Variants in PRPF4 observed in about 807,000 individuals in gnomAD.
PRPF4 encodes pre-mRNA splicing tri-snRNP complex factor PRPF4, also known as U4/U6 small nuclear ribonucleoprotein Prp4.
A neutral mutation model predicts 72.2 loss-of-function variants in PRPF4; 14 were observed. The ratio of observed to expected loss-of-function variants is 0.19; its 90% CI spans 0.13 to 0.30. The LOEUF (loss-of-function observed/expected upper bound fraction) is 0.30. PRPF4 is among the 10% of genes least tolerant of loss of function. The pLI is 1.00. For missense variants in PRPF4, 478 were observed against 653.9 expected (o/e 0.73, Z 2.93); for synonymous variants, 225 against 232.2 (o/e 0.97, Z 0.28).
At chr9:113,279,457 G>A (rs1162666045) in intron 3 of PRPF4, among the ~76,000 whole-genome samples, 5 of 152,148 alleles carry the variant, frequency 3.3e-5, no homozygotes, top group East Asian at 1.9e-4. Context: ...TCCGCCTCCC[G>A]GGTTCAAGCG....
chr9:113,286,708 A>C lies in PRPF4; in HGVS notation c.812A>C (p.His271Pro). Residue 271 changes from histidine to proline, a missense_variant, in exon 9 of 14, where the codon CAT (histidine) becomes CCT (proline). By Grantham distance (77) the His-to-Pro change is moderately conservative. Coordinates refer to ENST00000374198, the MANE Select transcript of PRPF4 (RefSeq NM_001244926.2). ...TGCATCTCTTACACTCCTTTAGGGC[A>C]TAACACAAATGTAGGAGCAATTGTA... ...DCNLLHTLRGHNTNVGAIVFH... is the reference protein window; with the variant it reads ...DCNLLHTLRGPNTNVGAIVFH... The C allele has an allele frequency of 6.2e-7, 1 of 1,614,198 alleles. No individual in the cohort carries two copies. Among genetic ancestry groups the C allele is most frequent in the Non-Finnish European group, 8.5e-7 (1 of 1,180,018 alleles).
intron 3 of PRPF4, among the ~76,000 whole-genome samples, chr9:113,281,566 C>A (rs1202988882): frequency 6.6e-6 from 1 of 152,194 alleles, no homozygotes; most frequent in African/African-American, 2.4e-5. Context: ...ATTAGCAATT[C>A]TTTGTGACCT....
intron 4 of PRPF4, 68 bp downstream of exon 4, chr9:113,282,801 G>GT: frequency 7.7e-7 from 1 of 1,305,948 alleles, no homozygotes; most frequent in Non-Finnish European, 1.1e-6. Context: ...CTCGTTTTCT[G>GT]CTTTCAATGG....
chr9:113,277,740 C>T (rs1832154600), intron 2 of PRPF4, among the ~76,000 whole-genome samples: 1 of 152,068 alleles, frequency 6.6e-6, no homozygotes, highest in South Asian at 2.1e-4. Context: ...TGGCTCACAC[C>T]TGTAATCCCA....
chr9:113,286,661 A>C (rs761374642), intron 8 of PRPF4, 44 bp from the exon 9 acceptor site: 1 of 1,612,866 alleles, frequency 6.2e-7, no homozygotes, highest in East Asian at 2.2e-5. Context: ...ATGGGTTATA[A>C]AGAGGCAGGA....
At chr9:113,286,657 T>C in intron 8 of PRPF4, 48 bp from the exon 9 acceptor site, 1 of 1,612,262 alleles carries the variant, frequency 6.2e-7, no homozygotes, top group Non-Finnish European at 8.5e-7. Context: ...TAACATGGGT[T>C]ATAAAGAGGC....
In PRPF4 at chr9:113,288,187, G is replaced by A; in HGVS notation, c.945G>A (p.Val315=). 6.2e-7 allele frequency: 1 copy of A among 1,614,176 alleles called. No individual in the cohort carries two copies. The highest frequency in any genetic ancestry group is 1.1e-5 in the South Asian group (1 of 91,070). ...GGTTCCTTTCCAGTGATGAACCAGT[G>A]GCAGATATTGAAGGCCATACAGTGC... The part of the protein sequence containing the change: ...KLWSLDSDEP[V]ADIEGHTVRV... Residue 315 remains valine, a synonymous_variant, in exon 10 of 14, where the codon GTG becomes GTA. Coordinates refer to ENST00000374198, the MANE Select transcript of PRPF4 (RefSeq NM_001244926.2).
rs1011746683 is a variant in PRPF4, at chr9:113,284,377, C to G, written c.737C>G (p.Ala246Gly). The G allele has an allele frequency of 5.0e-6, 8 of 1,610,144 alleles. No homozygotes were observed. Among genetic ancestry groups the G allele is most frequent in the African/African-American group, 1.3e-5 (1 of 74,820 alleles). Residue 246 changes from alanine to glycine, a missense_variant, in exon 7 of 14, where the codon GCC (alanine) becomes GGC (glycine). Transcript: ENST00000374198. ...TTTAGTCCCAATTCCAAGATGCTGG[C>G]CACAGCTTGTTGGTAAGTTCCATTT... ...CHFSPNSKMLATACWSGLCKL... is the reference protein window; with the variant it reads ...CHFSPNSKMLGTACWSGLCKL...
intron 3 of PRPF4, among the ~76,000 whole-genome samples, chr9:113,280,938 A>G (rs537923799): frequency 1.3e-5 from 2 of 151,962 alleles, no homozygotes; most frequent in South Asian, 4.2e-4. Flanking sequence ...CCTCCCAGGT[A>G]CAAGCCATTC....
In PRPF4 at chr9:113,290,363, C is replaced by G. The variant is rs1238821619; in HGVS notation, c.1023-103C>G. The G allele has an allele frequency of 2.0e-6, 3 of 1,502,278 alleles. No homozygotes were observed. The African/African-American group carries it at 4.1e-5, about 21-fold the overall frequency. 93.1% of individuals were successfully genotyped at this position (1,502,278 alleles called of 1,614,324 possible). On this transcript the variant is annotated intron_variant, in intron 10 of 13. Coordinates refer to ENST00000374198, the MANE Select transcript of PRPF4 (RefSeq NM_001244926.2). ...GTTAATATGGTTATATGAATAGTTT[C>G]AGAAGCATTAATAACTTAAGCTATA...
chr9:113,279,461 T>C (rs1237865752), intron 3 of PRPF4, among the ~76,000 whole-genome samples: 2 of 152,174 alleles, frequency 1.3e-5, no homozygotes, highest in Non-Finnish European at 2.9e-5. Context: ...CCTCCCGGGT[T>C]CAAGCGATTT....
chr9:113,279,152 CT>C lies in PRPF4; in HGVS notation c.392+28del, dbSNP rs769731157. On this transcript the variant is annotated intron_variant, in intron 3 of 13. Transcript: ENST00000374198. ...GAAAGGTTGCCTTTCTAAATATTTACTTTTTTTCTTTATTATAATCACAGGG... is the reference window on the plus strand; with the variant it reads ...GAAAGGTTGCCTTTCTAAATATTTACTTTTTTCTTTATTATAATCACAGGG... The C allele has an allele frequency of 1.2e-5, 19 of 1,585,558 alleles. No individual in the cohort carries two copies. In the African/African-American group the frequency reaches 1.5e-4, roughly 13 times the overall value.
Position 113,286,381 on chromosome 9 carries a change from C to G in PRPF4, c.808+91C>G, listed in dbSNP as rs1328294962. On this transcript the variant is annotated intron_variant, in intron 8 of 13. Coordinates refer to ENST00000374198, the MANE Select transcript of PRPF4 (RefSeq NM_001244926.2). ...CTGCTTGACACTCAGACCCCATACA[C>G]ACAGCATTAATCCTTGATTTGATTT... The G allele has an allele frequency of 2.5e-6, 3 of 1,199,468 alleles. No individual in the cohort carries two copies. In the African/African-American group the frequency reaches 4.5e-5, roughly 18 times the overall value. 74.3% of individuals were successfully genotyped at this position (1,199,468 alleles called of 1,614,324 possible). A position where few individuals can be genotyped will look rare whatever the true frequency, so the allele number is the denominator to read the frequency against.
chr9:113,276,528 G>T lies in PRPF4; in HGVS notation c.28-20G>T. ...TGCCAAGATTAAACCTTAGTTTAATGCAGATCTTTGATTTAGCAGGCAACC... is the reference window on the plus strand; with the variant it reads ...TGCCAAGATTAAACCTTAGTTTAATTCAGATCTTTGATTTAGCAGGCAACC... On this transcript the variant is annotated intron_variant, in intron 1 of 13. Coordinates refer to ENST00000374198, the MANE Select transcript of PRPF4 (RefSeq NM_001244926.2). 1 of 1,613,892 alleles carries T rather than the reference G, an allele frequency of 6.2e-7. No individual in the cohort carries two copies. Among genetic ancestry groups the T allele is most frequent in the Non-Finnish European group, 8.5e-7 (1 of 1,179,786 alleles).
At chr9:113,277,046 C>A (rs186818517) in intron 2 of PRPF4, among the ~76,000 whole-genome samples, 41 of 152,158 alleles carry the variant, frequency 2.7e-4, no homozygotes, top group African/African-American at 9.6e-4. Context: ...AACTCCTGAC[C>A]TTGTGATCCG....
At chr9:113,277,264 A>G (rs1336810303) in intron 2 of PRPF4, among the ~76,000 whole-genome samples, 1 of 152,092 alleles carries the variant, frequency 6.6e-6, no homozygotes, top group African/African-American at 2.4e-5. Context: ...TTGGATTCAG[A>G]TTGATTCCAT....
At chr9:113,286,060 TG>T in intron 7 of PRPF4, 171 bp from the exon 8 acceptor site, 1 of 203,404 alleles carries the variant, frequency 4.9e-6, no homozygotes, top group Non-Finnish European at 8.7e-6. Context: ...GCGTGTGGGC[TG>T]GAGGTAGCTT....
At position 113,278,382 on chromosome 9, in the gene PRPF4, A is replaced by G. The variant is rs111231795; in HGVS notation, c.206-563A>G. 8.7e-3 allele frequency among the ~76,000 whole-genome samples: 1,328 copies of G among 152,330 alleles called. 24 individuals are homozygous for G. The highest frequency in any genetic ancestry group is 0.03 in the African/African-American group (1,244 of 41,564). ...AGCCTAGTGACTTTTTAAACTTTTAATACTGTTTTTAAACATAACGTCACC... is the reference window on the plus strand; with the variant it reads ...AGCCTAGTGACTTTTTAAACTTTTAGTACTGTTTTTAAACATAACGTCACC... On this transcript the variant is annotated intron_variant, in intron 2 of 13. Coordinates refer to ENST00000374198, the MANE Select transcript of PRPF4 (RefSeq NM_001244926.2).
chr9:113,282,520 G>C lies in PRPF4; in HGVS notation c.393-126G>C, dbSNP rs932050048. On this transcript the variant is annotated intron_variant, in intron 3 of 13. Coordinates refer to ENST00000374198, the MANE Select transcript of PRPF4 (RefSeq NM_001244926.2). ...AGGTGGTTTGAACAGTGAGAGAATA[G>C]TAAAGGCTTGCTCCCATCTTAGGGG... The C allele has an allele frequency of 5.8e-6, 4 of 693,868 alleles. No individual in the cohort carries two copies. In the East Asian group the frequency reaches 8.6e-5, roughly 15 times the overall value. 43.0% of individuals were successfully genotyped at this position (693,868 alleles called of 1,614,324 possible).
Sources: gnomAD v4.1 joint callset for allele counts (sites outside exome capture counted in the v4.1 genomes callset) on GRCh38, gnomAD v4.1.1 for gene constraint, MANE v1.5 for transcripts, NCBI Gene and HGNC (gene_info 2026-07-23, HGNC 2026-07-21) for gene names.